FCF1: variants seen among roughly 807,000 people sequenced by gnomAD.
The protein encoded by FCF1 is rRNA-processing protein FCF1 homolog.
A neutral mutation model predicts 32.5 loss-of-function variants in FCF1; 17 were observed. The observed-to-expected ratio is 0.52, with a 90% CI of 0.36 to 0.78. The LOEUF (loss-of-function observed/expected upper bound fraction) is 0.78. FCF1 is among the 30% of genes least tolerant of loss of function. The pLI is 0.00. For missense variants in FCF1, 201 were observed against 241.1 expected, an observed-to-expected ratio of 0.83 and a Z score of 1.10; for synonymous variants, 84 against 78.4, an observed-to-expected ratio of 1.07 and a Z score of -0.38.
At chr14:74,723,784 C>T (rs2090538429) in intron 5 of FCF1, among the ~76,000 whole-genome samples, 2 of 148,672 alleles carry the variant, frequency 1.3e-5, no homozygotes, top group East Asian at 2.0e-4. Flanking sequence ...GCCTACATCA[C>T]GCCATTGCAC....
At chr14:74,715,088 A>C in intron 3 of FCF1, 145 bp downstream of exon 3, 3 of 790,526 alleles carry the variant, frequency 3.8e-6, no homozygotes, top group Non-Finnish European at 5.7e-6. Context: ...AGCATATATC[A>C]ATTCTAGTGG....
At chr14:74,733,133 T>C (rs2090659756) in intron 6 of FCF1, among the ~76,000 whole-genome samples, 1 of 152,248 alleles carries the variant, frequency 6.6e-6, no homozygotes, top group Admixed American at 6.5e-5. Flanking sequence ...CACAAATCTC[T>C]GTAAAATGAT....
intron 4 of FCF1, among the ~76,000 whole-genome samples, chr14:74,721,371 A>T (rs138215203): frequency 0.011 from 1,707 of 152,142 alleles, 32 homozygotes; most frequent in African/African-American, 0.038. Flanking sequence ...TTTAGTAGAG[A>T]TGGGGTTTTG....
chr14:74,716,226 C>CTGCTATGGTGACCA, intron 4 of FCF1, 127 bp downstream of exon 4: 1 of 860,706 alleles, frequency 1.2e-6, no homozygotes, highest in Non-Finnish European at 1.8e-6. Flanking sequence ...ACAGTGGTCA[C>CTGCTATGGTGACCA]CATAGCAGTG....
chr14:74,733,738 G>A (rs921161855), intron 6 of FCF1, among the ~76,000 whole-genome samples: 7 of 152,010 alleles, frequency 4.6e-5, no homozygotes, highest in African/African-American at 1.2e-4. Flanking sequence ...GGAGTTCCTC[G>A]GAGCATTTTC....
chr14:74,725,023 G>A (rs959280338), intron 5 of FCF1, among the ~76,000 whole-genome samples: 1 of 151,710 alleles, frequency 6.6e-6, no homozygotes, highest in African/African-American at 2.4e-5. Context: ...GTATATGTGT[G>A]CATACTGTAC....
chr14:74,737,091 C>G lies in FCF1; in HGVS notation c.*2161C>G, dbSNP rs1257586326. On this transcript the variant is annotated 3_prime_UTR_variant, in exon 8 of 8. Transcript: ENST00000341162. ...AGTACACCATAGAAAATCCATTAAC[C>G]TATGTATAATCCCAGCACTTTGGGA... is the stretch of plus-strand genomic sequence containing the variant. 3 of 152,078 alleles carry G rather than the reference C, an allele frequency of 2.0e-5. No homozygotes were observed. The highest frequency in any genetic ancestry group is 7.2e-5 in the African/African-American group (3 of 41,380). 9.4% of individuals were successfully genotyped at this position (152,078 alleles called of 1,614,324 possible).
intron 3 of FCF1, 192 bp from the exon 4 acceptor site, chr14:74,715,759 G>A: frequency 7.8e-7 from 1 of 1,287,830 alleles, no homozygotes; most frequent in Non-Finnish European, 1.1e-6. Flanking sequence ...TGGTGACAAA[G>A]GTTGCCAGGG....
At chr14:74,715,714 T>G in intron 3 of FCF1, 1 of 809,542 alleles carries the variant, frequency 1.2e-6, no homozygotes, top group Non-Finnish European at 1.9e-6. Context: ...TTGCTTTTTT[T>G]GTTTGTTTGT....
intron 5 of FCF1, among the ~76,000 whole-genome samples, chr14:74,732,158 A>G (rs956810762): frequency 2.0e-5 from 3 of 151,804 alleles, no homozygotes; most frequent in Non-Finnish European, 4.4e-5. Context: ...ATCATATTAT[A>G]TATATATATA....
chr14:74,726,131 G>A (rs183267159), intron 5 of FCF1, among the ~76,000 whole-genome samples: 13 of 151,980 alleles, frequency 8.6e-5, no homozygotes, highest in Admixed American at 8.5e-4. Flanking sequence ...GAGTGAAGAT[G>A]AGTGAACTAG....
chr14:74,723,003 CTTACA>C (rs2090526779), intron 4 of FCF1, among the ~76,000 whole-genome samples: 1 of 152,066 alleles, frequency 6.6e-6, no homozygotes. Context: ...CCATCAGGAA[CTTACA>C]TTAATATAAA....
rs1357184843 is a variant in FCF1 at position 74,716,119 on chromosome 14, GT to G, written c.292+23del. 6.2e-7 allele frequency: 1 copy of G among 1,608,002 alleles called. No individual in the cohort carries two copies. ...CCAAGTGTGAGTATCATACTTTTAT[GT>G]TTCCGTGACATTTGTTCAGAATAAT... On this transcript the variant is annotated intron_variant, in intron 4 of 7. Coordinates refer to ENST00000341162, the MANE Select transcript of FCF1 (RefSeq NM_015962.5).
In FCF1 at chr14:74,715,610, T is replaced by G. The variant is rs149987549; in HGVS notation, c.144-341T>G. On this transcript the variant is annotated intron_variant, in intron 3 of 7. Transcript: ENST00000341162. ...TAGAATCCTTTAAGAATGACAAACG[T>G]GTTGTTGTATCATTCTAATCACGAT... 98 of 371,490 alleles carry G rather than the reference T, an allele frequency of 2.6e-4. 2 individuals carry two copies. The East Asian group carries it at 5.1e-3, about 19-fold the overall frequency. The allele number at this position is 371,490 out of a possible 1,614,324, so 23.0% of individuals were successfully genotyped here.
chr14:74,726,048 G>A (rs2090574021), intron 5 of FCF1, among the ~76,000 whole-genome samples: 1 of 151,718 alleles, frequency 6.6e-6, no homozygotes, highest in African/African-American at 2.4e-5. Context: ...AACAAAGTGA[G>A]ACCTTGTCTC....
Position 74,713,193 on chromosome 14 carries a change from T to A in FCF1, c.-5T>A. The A allele has an allele frequency of 6.2e-7, 1 of 1,614,174 alleles. No homozygotes were observed. The highest frequency in any genetic ancestry group is 8.5e-7 in the Non-Finnish European group (1 of 1,180,044). ...TTACGGAAGAACCAGGAGTTTGGCG[T>A]GACCATGGTGAGAGAAGACGGTCCA... On this transcript the variant is annotated 5_prime_UTR_variant, in exon 1 of 8. Coordinates refer to ENST00000341162, the MANE Select transcript of FCF1 (RefSeq NM_015962.5).
At chr14:74,723,454 T>G in intron 5 of FCF1, 110 bp downstream of exon 5, 1 of 775,956 alleles carries the variant, frequency 1.3e-6, no homozygotes, top group Non-Finnish European at 2.1e-6. Context: ...ACAAAACTAT[T>G]TATCATTTTT....
At chr14:74,721,044 A>ATT (rs750216386) in intron 4 of FCF1, among the ~76,000 whole-genome samples, 24 of 120,944 alleles carry the variant, frequency 2.0e-4, no homozygotes, top group African/African-American at 4.3e-4. Context: ...CACCCACCTA[A>ATT]TTTTTTTTTT....
chr14:74,726,061 T>TA (rs1366048888), intron 5 of FCF1, among the ~76,000 whole-genome samples: 1 of 151,584 alleles, frequency 6.6e-6, no homozygotes, highest in African/African-American at 2.4e-5. Context: ...CTTGTCTCTT[T>TA]AAAAAAGAAA....
Sources: allele counts gnomAD v4.1 joint callset (sites outside exome capture counted in the v4.1 genomes callset), GRCh38; gene constraint gnomAD v4.1.1; transcripts MANE v1.5; gene names NCBI Gene and HGNC (gene_info 2026-07-23, HGNC 2026-07-21).